Variants in DNAH8 observed in about 807,000 individuals in gnomAD.
DNAH8 encodes axonemal beta dynein heavy chain 8.
Under a neutral mutation model 562.1 loss-of-function variants are expected in DNAH8, and 382 were observed. That is an observed-to-expected ratio of 0.68 (90% CI 0.63 to 0.74). The LOEUF is 0.74. Among genes scored for constraint, DNAH8 ranks in the 30% least tolerant of loss-of-function variants. The pLI is 0.00. For missense variants in DNAH8, 5,203 were observed against 5,620.4 expected, an observed-to-expected ratio of 0.93 and a Z score of 2.37; for synonymous variants, 1,881 against 1,919.4, an observed-to-expected ratio of 0.98 and a Z score of 0.52.
chr6:38,965,987 C>T (rs796651000), intron 82 of DNAH8, among the ~76,000 whole-genome samples: 4 of 151,610 alleles, frequency 2.6e-5, no homozygotes, highest in African/African-American at 9.7e-5. Context: ...TCAAAGCAGT[C>T]AAAAGAAAGG....
chr6:38,939,814 G>C (rs1336501721), intron 79 of DNAH8, among the ~76,000 whole-genome samples: 1 of 152,072 alleles, frequency 6.6e-6, no homozygotes, highest in East Asian at 1.9e-4. Flanking sequence ...TTATTTTCTG[G>C]CTCCCCACAC....
chr6:38,784,251 C>T (rs1768928207), intron 17 of DNAH8, among the ~76,000 whole-genome samples: 1 of 152,082 alleles, frequency 6.6e-6, no homozygotes, highest in African/African-American at 2.4e-5. Flanking sequence ...AAAGGAGCTT[C>T]GAGAGGAGCT....
At chr6:38,935,836 C>G (rs752520639) in intron 77 of DNAH8, 139 bp downstream of exon 77, 1 of 596,876 alleles carries the variant, frequency 1.7e-6, no homozygotes, top group Non-Finnish European at 2.8e-6. Context: ...CAATTTCCAT[C>G]TAGACATTAA....
chr6:38,807,595 G>C lies in DNAH8; in HGVS notation c.3151-15G>C, dbSNP rs771437775. 1.4e-6 allele frequency: 2 copies of C among 1,392,596 alleles called. No individual in the cohort carries two copies. Among genetic ancestry groups the C allele is most frequent in the South Asian group, 3.5e-5 (2 of 56,618 alleles). 86.3% of individuals were successfully genotyped at this position (1,392,596 alleles called of 1,614,324 possible). On this transcript the variant is annotated splice_polypyrimidine_tract_variant and intron_variant, in intron 23 of 92. Transcript: ENST00000327475. ...GGAGGAGAGATACCAAATTTAATCT[G>C]ATTTCTTATTACAGGAGTGTAAAGA...
chr6:38,751,652 T>A (rs1765464214), intron 9 of DNAH8, among the ~76,000 whole-genome samples: 1 of 152,230 alleles, frequency 6.6e-6, no homozygotes, highest in African/African-American at 2.4e-5. Context: ...AAGAACATGT[T>A]AGCACTACCA....
chr6:39,016,002 A>G (rs1766541246), intron 91 of DNAH8, among the ~76,000 whole-genome samples: 1 of 152,174 alleles, frequency 6.6e-6, no homozygotes. Flanking sequence ...ATGAGGGACA[A>G]ATTACTTTCT....
rs528201296 is a variant in DNAH8, at chr6:38,778,968, A to G, written c.2039+504A>G. Among the ~76,000 whole-genome samples the G allele has an allele frequency of 3.7e-4, 57 of 152,342 alleles. 1 individual carries two copies. Among genetic ancestry groups the G allele is most frequent in the Non-Finnish European group, 7.2e-4 (49 of 68,032 alleles). ...GGTTGCTACAACCAAGCCAGATAAC[A>G]CATTCATCATCTCACCGAGTTATCT... is the stretch of plus-strand genomic sequence containing the variant. On this transcript the variant is annotated intron_variant, in intron 14 of 92. Coordinates refer to ENST00000327475, the MANE Select transcript of DNAH8 (RefSeq NM_001206927.2).
chr6:39,022,335 C>G (rs936956657), intron 91 of DNAH8, among the ~76,000 whole-genome samples: 28 of 152,280 alleles, frequency 1.8e-4, no homozygotes, highest in Admixed American at 1.2e-3. Context: ...TGTCCTCTTC[C>G]CCCAGCTCCT....
At position 38,715,925 on chromosome 6, in the gene DNAH8, AATATATATATAT is replaced by A. The variant is rs1206266759; in HGVS notation, c.-35+535_-35+546del. Reference sequence around the variant, plus strand: ...ATTAAAATAAATAAATAAATAAATAAATATATATATATATATATATATATATATATATATATT... The same window carrying A: ...ATTAAAATAAATAAATAAATAAATAAATATATATATATATATATATATATT... On this transcript the variant is annotated intron_variant, in intron 1 of 92. Transcript: ENST00000327475. Among the ~76,000 whole-genome samples the A allele has an allele frequency of 1.4e-4, 5 of 36,890 alleles. 1 individual carries two copies. The highest frequency in any genetic ancestry group is 1.2e-3 in the Admixed American group (3 of 2,564). 24.2% of individuals were successfully genotyped at this position (36,890 alleles called of 152,430 possible).
In DNAH8 at chr6:38,812,584, C is replaced by T. The variant is rs79316761; in HGVS notation, c.3258-1470C>T. 1.6e-4 allele frequency among the ~76,000 whole-genome samples: 24 copies of T among 151,432 alleles called. No individual in the cohort carries two copies. The East Asian group carries it at 3.1e-3, about 19-fold the overall frequency. On this transcript the variant is annotated intron_variant, in intron 24 of 92. Transcript: ENST00000327475. ...CAGTTTTTAGAGGAGAGTTCTGCTGCGAATCCGATTTTCCTTTCCAACTAA... is the reference window on the plus strand; with the variant it reads ...CAGTTTTTAGAGGAGAGTTCTGCTGTGAATCCGATTTTCCTTTCCAACTAA...
chr6:38,970,114 C>T (rs181834607), intron 82 of DNAH8, among the ~76,000 whole-genome samples: 22 of 152,246 alleles, frequency 1.4e-4, no homozygotes, highest in African/African-American at 2.9e-4. Context: ...GCCACCTGAA[C>T]GAAAACTAGA....
chr6:39,010,199 A>G lies in DNAH8; in HGVS notation c.13371+1229A>G, dbSNP rs1203132566. 2.6e-5 allele frequency among the ~76,000 whole-genome samples: 4 copies of G among 152,284 alleles called. No individual in the cohort carries two copies. The East Asian group carries it at 7.7e-4, about 29-fold the overall frequency. ...GATTCCTATATGGGAAAGAGTTTGT[A>G]CTAAGAGACATCTAAAACTTGTCCC... On this transcript the variant is annotated intron_variant, in intron 89 of 92. Coordinates refer to ENST00000327475, the MANE Select transcript of DNAH8 (RefSeq NM_001206927.2).
chr6:39,001,095 G>C (rs1414606875), intron 88 of DNAH8, among the ~76,000 whole-genome samples: 3 of 152,122 alleles, frequency 2.0e-5, no homozygotes, highest in South Asian at 2.1e-4. Flanking sequence ...ATGAGGGAGG[G>C]GGGTGCTTAA....
chr6:38,872,029 C>T (rs1234459809), intron 49 of DNAH8, among the ~76,000 whole-genome samples: 1 of 152,200 alleles, frequency 6.6e-6, no homozygotes, highest in Non-Finnish European at 1.5e-5. Flanking sequence ...CTTTCCTCTT[C>T]TCTTACTGGT....
intron 87 of DNAH8, among the ~76,000 whole-genome samples, chr6:38,986,341 A>C (rs1270796145): frequency 6.6e-6 from 1 of 152,132 alleles, no homozygotes; most frequent in Admixed American, 6.5e-5. Flanking sequence ...CAGAGCTTTA[A>C]AAAAAAGTAA....
intron 42 of DNAH8, among the ~76,000 whole-genome samples, chr6:38,859,094 A>G (rs1177343412): frequency 3.9e-5 from 6 of 152,242 alleles, no homozygotes; most frequent in Non-Finnish European, 8.8e-5. Flanking sequence ...GCCAACATAT[A>G]TGCATTTTAT....
chr6:38,871,491 C>T (rs1324765047), intron 49 of DNAH8, among the ~76,000 whole-genome samples: 1 of 152,186 alleles, frequency 6.6e-6, no homozygotes, highest in Non-Finnish European at 1.5e-5. Context: ...ATGTCAATAA[C>T]ATTGCTCTTG....
At chr6:38,757,394 T>G (rs1227455706) in intron 10 of DNAH8, among the ~76,000 whole-genome samples, 8 of 151,806 alleles carry the variant, frequency 5.3e-5, no homozygotes, top group East Asian at 1.9e-4. Context: ...TAAATTTGTT[T>G]GAGTTCATTG....
At position 38,931,951 on chromosome 6, in the gene DNAH8, T is replaced by G; in HGVS notation, c.11415T>G (p.Leu3805=). The change falls in exon 76 of 93, where the codon CTT becomes CTG. Residue 3805 remains leucine (L), a synonymous_variant. Coordinates refer to ENST00000327475, the MANE Select transcript of DNAH8 (RefSeq NM_001206927.2). ...VIDFTVTMKG[L]ENQLLRRVIL... ...ATTTCACTGTTACAATGAAAGGACT[T>G]GAGAATCAGTTACTAAGGAGAGTCA... is the stretch of plus-strand genomic sequence containing the variant. 22 of 1,608,786 alleles carry G rather than the reference T, an allele frequency of 1.4e-5. No individual in the cohort carries two copies. Among genetic ancestry groups the G allele is most frequent in the Non-Finnish European group, 1.8e-5 (21 of 1,178,064 alleles).
Sources: allele counts gnomAD v4.1 joint callset (sites outside exome capture counted in the v4.1 genomes callset), GRCh38; gene constraint gnomAD v4.1.1; transcripts MANE v1.5; gene names NCBI Gene and HGNC (gene_info 2026-07-23, HGNC 2026-07-21).